The following EPB41L2 variants were observed in gnomAD, a reference collection of about 807,000 sequenced individuals.
The protein encoded by EPB41L2 is erythrocyte membrane protein band 4.1 like 2.
Under a neutral mutation model 113.0 loss-of-function variants are expected in EPB41L2, and 43 were observed. The observed-to-expected ratio is 0.38, with a 90% CI of 0.30 to 0.49. The LOEUF is 0.49. Among genes scored for constraint, EPB41L2 ranks in the 20% least tolerant of loss-of-function variants. The pLI is 0.95. For synonymous variants in EPB41L2, 442 were observed against 436.7 expected (o/e 1.01, Z -0.15); for missense variants, 1,147 against 1,223.4 (o/e 0.94, Z 0.93).
At chr6:130,978,350 ATCC>A (rs1778632071) in intron 1 of EPB41L2, among the ~76,000 whole-genome samples, 1 of 152,160 alleles carries the variant, frequency 6.6e-6, no homozygotes, top group Non-Finnish European at 1.5e-5. Flanking sequence ...CTGTCTCACT[ATCC>A]TCCTTCTGCC....
rs147992593 is a variant in EPB41L2, at chr6:130,902,674, A to G, written c.930-1494T>C. ...TAATAAACAACAGTGATGTTTCTCC[A>G]CATTTTATGGAAGTTTTAGAACCTA... On this transcript the variant is annotated intron_variant, in intron 6 of 19. Coordinates refer to ENST00000337057, the MANE Select transcript of EPB41L2 (RefSeq NM_001431.4). 6.6e-3 allele frequency among the ~76,000 whole-genome samples: 999 copies of G among 152,286 alleles called. 17 individuals carry two copies. The highest frequency in any genetic ancestry group is 0.023 in the African/African-American group (963 of 41,570).
chr6:130,964,355 T>C (rs1774434562), intron 1 of EPB41L2, among the ~76,000 whole-genome samples: 1 of 152,172 alleles, frequency 6.6e-6, no homozygotes. Flanking sequence ...AAGTTACCTA[T>C]GTCTGAATAA....
intron 1 of EPB41L2, among the ~76,000 whole-genome samples, chr6:131,005,835 A>G (rs1785379418): frequency 1.3e-5 from 2 of 152,162 alleles, no homozygotes; most frequent in Admixed American, 1.3e-4. Flanking sequence ...TTTAATGAAA[A>G]CAACATTTTT....
At chr6:130,865,992 G>A (rs538880203) in intron 16 of EPB41L2, among the ~76,000 whole-genome samples, 2 of 152,248 alleles carry the variant, frequency 1.3e-5, no homozygotes, top group East Asian at 1.9e-4. Flanking sequence ...GACCAGAAGC[G>A]CTGAGTTTGT....
chr6:130,983,413 G>A (rs188757376), intron 1 of EPB41L2, among the ~76,000 whole-genome samples: 9 of 152,078 alleles, frequency 5.9e-5, no homozygotes, highest in Admixed American at 5.2e-4. Context: ...TACTTACAAC[G>A]TACATGGTAT....
chr6:131,059,740 G>A (rs757718122), intron 1 of EPB41L2, among the ~76,000 whole-genome samples: 25 of 152,182 alleles, frequency 1.6e-4, no homozygotes, highest in Non-Finnish European at 2.8e-4. Flanking sequence ...GAGATTCCAA[G>A]ATTCTATAAA....
At chr6:131,043,448 G>T (rs1391918969) in intron 1 of EPB41L2, among the ~76,000 whole-genome samples, 1 of 152,052 alleles carries the variant, frequency 6.6e-6, no homozygotes, top group East Asian at 1.9e-4. Context: ...ATGATGAAAA[G>T]CCTCTGCATG....
At chr6:130,998,133 T>A (rs563956619) in intron 1 of EPB41L2, among the ~76,000 whole-genome samples, 3 of 152,308 alleles carry the variant, frequency 2.0e-5, no homozygotes, top group Admixed American at 2.0e-4. Context: ...ATTTTATAAG[T>A]AAGGAAATTG....
At chr6:131,035,223 A>T (rs992409717) in intron 1 of EPB41L2, among the ~76,000 whole-genome samples, 5 of 152,236 alleles carry the variant, frequency 3.3e-5, no homozygotes, top group Non-Finnish European at 5.9e-5. Context: ...CAAATACAAC[A>T]GTGAGCAAAG....
intron 1 of EPB41L2, among the ~76,000 whole-genome samples, chr6:130,958,336 CAGCTACTCGGA>C (rs1818168100): frequency 6.6e-6 from 1 of 151,958 alleles, no homozygotes; most frequent in Non-Finnish European, 1.5e-5. Flanking sequence ...TCTGTAATCC[CAGCTACTCGGA>C]AGGCTGAGGC....
intron 1 of EPB41L2, among the ~76,000 whole-genome samples, chr6:130,988,204 T>C (rs1781022606): frequency 6.6e-6 from 1 of 152,128 alleles, no homozygotes; most frequent in Admixed American, 6.5e-5. Flanking sequence ...TTAGAGAAAA[T>C]AATCCATAGG....
At chr6:130,921,336 T>G (rs1212498439) in intron 4 of EPB41L2, among the ~76,000 whole-genome samples, 1 of 152,208 alleles carries the variant, frequency 6.6e-6, no homozygotes, top group Non-Finnish European at 1.5e-5. Flanking sequence ...TTGCTTATTT[T>G]TCCAGCTGCT....
intron 1 of EPB41L2, among the ~76,000 whole-genome samples, chr6:130,965,175 T>C (rs374524685): frequency 3.2e-4 from 48 of 152,184 alleles, no homozygotes; most frequent in African/African-American, 1.2e-3. Context: ...TCAAAGCATA[T>C]GCACCAGGCA....
At chr6:130,992,251 G>A (rs1190068656) in intron 1 of EPB41L2, among the ~76,000 whole-genome samples, 2 of 152,144 alleles carry the variant, frequency 1.3e-5, no homozygotes, top group Non-Finnish European at 2.9e-5. Context: ...AAGCAAAATG[G>A]TTCAGTATGA....
Position 130,899,475 on chromosome 6 carries a change from G to T in EPB41L2, c.1236+16C>A. The stretch of plus-strand genomic sequence containing the variant: ...ACAGACTACTATGATGCTACTCCCC[G>T]TTACATTTACAGTACCTTGGCATGA... On this transcript the variant is annotated intron_variant, in intron 8 of 19. Transcript: ENST00000337057. 6.2e-7 allele frequency: 1 copy of T among 1,606,506 alleles called. No individual in the cohort carries two copies. The highest frequency in any genetic ancestry group is 8.5e-7 in the Non-Finnish European group (1 of 1,173,362).
At chr6:130,980,559 T>C (rs987957803) in intron 1 of EPB41L2, among the ~76,000 whole-genome samples, 1 of 151,330 alleles carries the variant, frequency 6.6e-6, no homozygotes, top group African/African-American at 2.4e-5. Flanking sequence ...GCTAGAAAGA[T>C]TGGGGGAGGG....
chr6:130,907,803 G>C (rs901164329), intron 5 of EPB41L2, among the ~76,000 whole-genome samples: 59 of 152,252 alleles, frequency 3.9e-4, no homozygotes, highest in Middle Eastern at 6.8e-3. Flanking sequence ...GGCAAGAAGG[G>C]AAAGGACAGA....
intron 19 of EPB41L2, among the ~76,000 whole-genome samples, chr6:130,854,712 T>C (rs926277403): frequency 2.0e-5 from 3 of 152,218 alleles, no homozygotes; most frequent in Admixed American, 2.0e-4. Context: ...ACTTTTCTCA[T>C]TCATTATCTT....
intron 1 of EPB41L2, among the ~76,000 whole-genome samples, chr6:130,990,713 A>G (rs1781626156): frequency 6.6e-6 from 1 of 152,198 alleles, no homozygotes; most frequent in Non-Finnish European, 1.5e-5. Flanking sequence ...ATAGTCTGTA[A>G]AAGTCTAGAC....
Sources: allele counts gnomAD v4.1 joint callset (sites outside exome capture counted in the v4.1 genomes callset), GRCh38; gene constraint gnomAD v4.1.1; transcripts MANE v1.5; gene names NCBI Gene and HGNC (gene_info 2026-07-23, HGNC 2026-07-21).